Variants in CDH2 observed in about 807,000 individuals in gnomAD.
The protein encoded by CDH2 is cadherin 2.
A neutral mutation model predicts 92.0 loss-of-function variants in CDH2; 17 were observed. The ratio of observed to expected loss-of-function variants is 0.18; its 90% CI spans 0.13 to 0.28. CDH2 has a LOEUF of 0.28. Among genes scored for constraint, CDH2 ranks in the 10% least tolerant of loss-of-function variants. CDH2 has a pLI of 1.00. For synonymous variants in CDH2, 419 were observed against 415.9 expected, an observed-to-expected ratio of 1.01 and a Z score of -0.09; for missense variants, 862 against 1,133.1, an observed-to-expected ratio of 0.76 and a Z score of 3.44.
chr18:28,082,572 ATT>A (rs1032040846), intron 2 of CDH2, among the ~76,000 whole-genome samples: 3 of 152,016 alleles, frequency 2.0e-5, no homozygotes, highest in Non-Finnish European at 4.4e-5. Context: ...ATTAATTTAC[ATT>A]TTTTTCCTAC....
intron 2 of CDH2, among the ~76,000 whole-genome samples, chr18:28,119,800 T>C (rs2015556752): frequency 6.6e-6 from 1 of 152,054 alleles, no homozygotes; most frequent in Admixed American, 6.6e-5. Context: ...CTCTGACCAA[T>C]GGGATACATG....
chr18:28,075,809 C>A (rs750890862), intron 2 of CDH2, among the ~76,000 whole-genome samples: 21 of 152,130 alleles, frequency 1.4e-4, no homozygotes, highest in Admixed American at 2.6e-4. Flanking sequence ...ACCTTGACCA[C>A]AGATCTTTAA....
chr18:28,093,870 TCA>T (rs2144217267), intron 2 of CDH2, among the ~76,000 whole-genome samples: 1 of 152,254 alleles, frequency 6.6e-6, no homozygotes, highest in African/African-American at 2.4e-5. Flanking sequence ...ACATATAATA[TCA>T]CAGTTCTCAG....
At position 28,152,733 on chromosome 18, in the gene CDH2, C is replaced by T. The variant is rs190112302; in HGVS notation, c.61-4949G>A. ...CCAGGGACAGATTTTAAGCACAGAC[C>T]GAATGCATCTGACAGAGAATTCTCT... On this transcript the variant is annotated intron_variant, in intron 1 of 15. Coordinates refer to ENST00000269141, the MANE Select transcript of CDH2 (RefSeq NM_001792.5). 2.8e-3 allele frequency among the ~76,000 whole-genome samples: 420 copies of T among 152,102 alleles called. 8 individuals are homozygous for T. Among genetic ancestry groups the T allele is most frequent in the African/African-American group, 9.4e-3 (392 of 41,490 alleles).
chr18:28,139,234 C>A (rs972742400), intron 2 of CDH2, among the ~76,000 whole-genome samples: 1 of 152,024 alleles, frequency 6.6e-6, no homozygotes, highest in African/African-American at 2.4e-5. Flanking sequence ...GATCTTATTT[C>A]TCTAGCCTAG....
At chr18:28,144,012 G>A (rs1320475456) in intron 2 of CDH2, among the ~76,000 whole-genome samples, 3 of 151,962 alleles carry the variant, frequency 2.0e-5, no homozygotes, top group Middle Eastern at 3.2e-3. Flanking sequence ...TGGAGGGCAA[G>A]GGGAGGGAGA....
At chr18:27,946,407 A>G (rs568415351), downstream of CDH2, among the ~76,000 whole-genome samples, 1 of 152,244 alleles carries the variant, frequency 6.6e-6, no homozygotes, top group Non-Finnish European at 1.5e-5. Context: ...ATAATACTGT[A>G]TGGAATTTTC....
intron 2 of CDH2, among the ~76,000 whole-genome samples, chr18:28,088,129 G>A (rs1265668702): frequency 6.6e-6 from 1 of 152,162 alleles, no homozygotes; most frequent in Non-Finnish European, 1.5e-5. Context: ...CAGGCTTAAT[G>A]GGTGAGAAGC....
rs34083301 is a variant in CDH2 at position 28,134,135 on chromosome 18, C to CAAAAAAAAAAAA, written c.172+13526_172+13537dup. 2.2e-5 allele frequency among the ~76,000 whole-genome samples: 2 copies of CAAAAAAAAAAAA among 91,604 alleles called. 1 individual carries two copies. Among genetic ancestry groups the CAAAAAAAAAAAA allele is most frequent in the African/African-American group, 8.7e-5 (2 of 23,068 alleles). 60.1% of individuals were successfully genotyped at this position (91,604 alleles called of 152,430 possible). ...GTTACTACAGTTCTGACTAAATTTA[C>CAAAAAAAAAAAA]AAAAAAAAAAAAAAAAAAAAAAGAC... On this transcript the variant is annotated intron_variant, in intron 2 of 15. Coordinates refer to ENST00000269141, the MANE Select transcript of CDH2 (RefSeq NM_001792.5).
chr18:28,104,232 A>G (rs1299397327), intron 2 of CDH2, among the ~76,000 whole-genome samples: 1 of 152,182 alleles, frequency 6.6e-6, no homozygotes, highest in Admixed American at 6.6e-5. Flanking sequence ...TATGACCATA[A>G]AAGTATTTAC....
Position 28,001,391 on chromosome 18 carries a change from C to T in CDH2, c.1020+1606G>A, listed in dbSNP as rs557380163. Among the ~76,000 whole-genome samples, 13 of 152,230 alleles carry T rather than the reference C, an allele frequency of 8.5e-5. 1 individual carries two copies. The South Asian group carries it at 2.7e-3, about 32-fold the overall frequency. On this transcript the variant is annotated intron_variant, in intron 7 of 15. Coordinates refer to ENST00000269141, the MANE Select transcript of CDH2 (RefSeq NM_001792.5). The stretch of plus-strand genomic sequence containing the variant: ...ACAGGATGAAGTCTCATTTCTGTAT[C>T]TCACAATGACAATGTGAATGAAAGA...
intron 14 of CDH2, among the ~76,000 whole-genome samples, chr18:27,974,761 T>A (rs2011770173): frequency 6.6e-6 from 1 of 152,178 alleles, no homozygotes; most frequent in African/African-American, 2.4e-5. Flanking sequence ...GGTTGTTTGC[T>A]CCTTTCATTG....
intron 6 of CDH2, among the ~76,000 whole-genome samples, chr18:27,944,754 T>TAAA (rs869217652): frequency 9.6e-5 from 8 of 83,532 alleles, no homozygotes; most frequent in Non-Finnish European, 1.3e-4. Context: ...ACTTCCTTTC[T>TAAA]AAAAAAAAAA....
intron 2 of CDH2, among the ~76,000 whole-genome samples, chr18:28,035,301 ATTTGC>A (rs1205052208): frequency 6.6e-6 from 1 of 152,130 alleles, no homozygotes; most frequent in East Asian, 1.9e-4. Context: ...GTTCAGAGTC[ATTTGC>A]TTTAATAGCC....
intron 2 of CDH2, among the ~76,000 whole-genome samples, chr18:28,131,489 A>G (rs1004984908): frequency 1.3e-5 from 2 of 152,136 alleles, no homozygotes; most frequent in Non-Finnish European, 2.9e-5. Context: ...CAGAACATCA[A>G]TCACTGCAGT....
intron 2 of CDH2, among the ~76,000 whole-genome samples, chr18:28,041,708 G>A (rs1463240300): frequency 6.6e-6 from 1 of 152,110 alleles, no homozygotes; most frequent in Non-Finnish European, 1.5e-5. Flanking sequence ...CCTCAACATT[G>A]TTTTTATACC....
At chr18:28,061,498 A>G (rs985483418) in intron 2 of CDH2, among the ~76,000 whole-genome samples, 39 of 152,166 alleles carry the variant, frequency 2.6e-4, no homozygotes, top group African/African-American at 8.7e-4. Context: ...TACAAAAATC[A>G]GCCGAGCGTG....
intron 15 of CDH2, among the ~76,000 whole-genome samples, chr18:27,958,121 A>G (rs1437322620): frequency 6.6e-6 from 1 of 152,208 alleles, no homozygotes; most frequent in African/African-American, 2.4e-5. Flanking sequence ...TACAAATAAG[A>G]AAACTGAAAA....
intron 2 of CDH2, chr18:28,036,568 C>G: frequency 6.4e-7 from 1 of 1,569,944 alleles, no homozygotes. Context: ...TTTCCATTTC[C>G]CATAATTCCT....
Sources: allele counts gnomAD v4.1 joint callset (sites outside exome capture counted in the v4.1 genomes callset), GRCh38; gene constraint gnomAD v4.1.1; transcripts MANE v1.5; gene names NCBI Gene and HGNC (gene_info 2026-07-23, HGNC 2026-07-21).